The following NFATC3 variants were observed in gnomAD, a reference collection of about 807,000 sequenced individuals.
The protein encoded by NFATC3 is nuclear factor of activated T-cells, cytoplasmic 3.
NFATC3 carries 46 observed loss-of-function variants against 98.6 expected under a neutral mutation model. The observed-to-expected ratio is 0.47, with a 90% CI of 0.37 to 0.60. The LOEUF is 0.60. Among genes scored for constraint, NFATC3 ranks in the 20% least tolerant of loss-of-function variants. NFATC3 has a pLI of 0.00. For missense variants in NFATC3, 1,256 were observed against 1,295.5 expected, an observed-to-expected ratio of 0.97 and a Z score of 0.47; for synonymous variants, 512 against 472.2, an observed-to-expected ratio of 1.08 and a Z score of -1.09.
intron 3 of NFATC3, among the ~76,000 whole-genome samples, chr16:68,154,037 C>T (rs975097555): frequency 6.6e-6 from 1 of 152,136 alleles, no homozygotes; most frequent in Non-Finnish European, 1.5e-5. Flanking sequence ...CCACCTCAGC[C>T]TTCTAAGTAG....
At chr16:68,139,383 G>C (rs2037623614) in intron 3 of NFATC3, among the ~76,000 whole-genome samples, 1 of 152,150 alleles carries the variant, frequency 6.6e-6, no homozygotes, top group Non-Finnish European at 1.5e-5. Flanking sequence ...TGAACAGTTT[G>C]ACCAACACTT....
rs62636650 is a variant in NFATC3, at chr16:68,191,578, A to C, written c.2909A>C (p.His970Pro). ...ASSPSPATRM[H>P]SGQHSTQAQS... ...TCACCGTCTCCAGCCACCAGAATGC[A>C]TTCTGGACAGCACTCAACTCAAGCA... Residue 970 changes from histidine (H) to proline (P), a missense_variant, in exon 9 of 10, where the codon CAT becomes CCT. His to Pro is a moderately conservative substitution (Grantham distance 77). Transcript: ENST00000346183. 6 of 1,614,106 alleles carry C rather than the reference A, an allele frequency of 3.7e-6. No homozygotes were observed. The highest frequency in any genetic ancestry group is 5.1e-6 in the Non-Finnish European group (6 of 1,180,028).
chr16:68,112,132 T>C (rs1477987688), intron 1 of NFATC3, among the ~76,000 whole-genome samples: 2 of 152,104 alleles, frequency 1.3e-5, no homozygotes, highest in African/African-American at 4.8e-5. Context: ...ACTGGGTTTC[T>C]CTGAATTTCC....
intron 1 of NFATC3, among the ~76,000 whole-genome samples, chr16:68,098,319 T>TTG (rs2035149549): frequency 6.9e-6 from 1 of 144,570 alleles, no homozygotes; most frequent in Non-Finnish European, 1.5e-5. Context: ...TTTTTTTTTT[T>TTG]AGATGGAGTC....
intron 1 of NFATC3, among the ~76,000 whole-genome samples, chr16:68,119,650 G>A (rs76419201): frequency 0.12 from 18,081 of 152,018 alleles, 1,217 homozygotes; most frequent in South Asian, 0.2. Flanking sequence ...ATATTCTTCT[G>A]CTATTTCCTC....
At chr16:68,196,542 A>G (rs2040679507) in intron 9 of NFATC3, among the ~76,000 whole-genome samples, 1 of 152,196 alleles carries the variant, frequency 6.6e-6, no homozygotes, top group Admixed American at 6.5e-5. Context: ...TGTAAATTCA[A>G]ATTAGCTGGG....
In NFATC3 at chr16:68,123,535, G is replaced by C. The variant is rs116526427; in HGVS notation, c.1238+414G>C. Among the ~76,000 whole-genome samples, 271 of 149,870 alleles carry C rather than the reference G, an allele frequency of 1.8e-3. 4 individuals are homozygous for C. The highest frequency in any genetic ancestry group is 6.3e-3 in the African/African-American group (255 of 40,728). The stretch of plus-strand genomic sequence containing the variant: ...AAAAAAATTAACCAGGCATAGTGAT[G>C]TCTGCCTGTAGTCCTAGCTGCTTGG... On this transcript the variant is annotated intron_variant, in intron 2 of 9. Coordinates refer to ENST00000346183, the MANE Select transcript of NFATC3 (RefSeq NM_173165.3).
At chr16:68,142,967 A>G (rs1485656102) in intron 3 of NFATC3, among the ~76,000 whole-genome samples, 3 of 152,100 alleles carry the variant, frequency 2.0e-5, no homozygotes, top group Admixed American at 6.6e-5. Context: ...GAAGTGGCTC[A>G]CACCTGCAAT....
intron 1 of NFATC3, among the ~76,000 whole-genome samples, chr16:68,104,581 C>T (rs538746160): frequency 6.0e-5 from 9 of 150,406 alleles, no homozygotes; most frequent in African/African-American, 2.0e-4. Flanking sequence ...GCATCCTTAT[C>T]TTGCTTCTTA....
chr16:68,103,570 A>C (rs7205390), intron 1 of NFATC3, among the ~76,000 whole-genome samples: 4,155 of 152,268 alleles, frequency 0.027, 179 homozygotes, highest in African/African-American at 0.093. Flanking sequence ...AGTTGTATTA[A>C]TTGAGTTCTT....
intron 3 of NFATC3, among the ~76,000 whole-genome samples, chr16:68,136,752 C>G (rs572314202): frequency 4.0e-4 from 61 of 152,072 alleles, no homozygotes; most frequent in African/African-American, 1.4e-3. Flanking sequence ...GTGGTATAAC[C>G]AGTCACAGTG....
chr16:68,222,882 C>G (rs1251196520), intron 9 of NFATC3, among the ~76,000 whole-genome samples: 1 of 152,190 alleles, frequency 6.6e-6, no homozygotes, highest in East Asian at 1.9e-4. Context: ...CTTGTGCTCC[C>G]TCTTAGCACA....
At chr16:68,102,145 G>A (rs2035397831) in intron 1 of NFATC3, among the ~76,000 whole-genome samples, 2 of 152,046 alleles carry the variant, frequency 1.3e-5, no homozygotes, top group Admixed American at 1.3e-4. Context: ...GCTGAGGCAG[G>A]TGAATCACAA....
At chr16:68,097,880 T>C (rs911377857) in intron 1 of NFATC3, among the ~76,000 whole-genome samples, 1 of 152,180 alleles carries the variant, frequency 6.6e-6, no homozygotes, top group African/African-American at 2.4e-5. Context: ...CTCCCTCCCA[T>C]ACACCTTTCT....
intron 9 of NFATC3, among the ~76,000 whole-genome samples, chr16:68,211,282 G>T (rs2041378063): frequency 6.6e-6 from 1 of 151,746 alleles, no homozygotes; most frequent in South Asian, 2.1e-4. Context: ...CCACCTCCCG[G>T]GTTCACGCCA....
chr16:68,110,171 A>C (rs1490184884), intron 1 of NFATC3, among the ~76,000 whole-genome samples: 2 of 151,770 alleles, frequency 1.3e-5, no homozygotes, highest in Non-Finnish European at 2.9e-5. Context: ...CACTGGGCTA[A>C]TTTTTGTATT....
At chr16:68,225,135 A>C (rs1309539014) in intron 9 of NFATC3, 1 of 152,040 alleles carries the variant, frequency 6.6e-6, no homozygotes, top group African/African-American at 2.4e-5. Context: ...TATTTTTAGT[A>C]GAGATGGTGT....
intron 1 of NFATC3, among the ~76,000 whole-genome samples, chr16:68,091,832 C>T (rs2034727732): frequency 6.6e-6 from 1 of 152,114 alleles, no homozygotes; most frequent in Admixed American, 6.5e-5. Flanking sequence ...GGCCTGGCTT[C>T]TAAAACAATA....
chr16:68,216,864 T>A (rs2151170617), intron 9 of NFATC3, among the ~76,000 whole-genome samples: 1 of 152,218 alleles, frequency 6.6e-6, no homozygotes, highest in Non-Finnish European at 1.5e-5. Context: ...GAAGGAGTCT[T>A]AAGAGGACTG....
Sources: allele counts gnomAD v4.1 joint callset (sites outside exome capture counted in the v4.1 genomes callset), GRCh38; gene constraint gnomAD v4.1.1; transcripts MANE v1.5; gene names NCBI Gene and HGNC (gene_info 2026-07-23, HGNC 2026-07-21).